MTMR14: variants seen among roughly 807,000 people sequenced by gnomAD.
MTMR14 encodes myotubularin related protein 14, also known as phosphatidylinositol-3,5-bisphosphate 3-phosphatase MTMR14.
MTMR14 carries 48 observed loss-of-function variants against 86.3 expected under a neutral mutation model. The ratio of observed to expected loss-of-function variants is 0.56; its 90% CI spans 0.44 to 0.71. The LOEUF (loss-of-function observed/expected upper bound fraction) is 0.71, where lower values mean the gene tolerates loss of function less well. MTMR14 is among the 30% of genes least tolerant of loss of function. The pLI, the probability that MTMR14 is intolerant of heterozygous loss-of-function variation, is 0.00. For synonymous variants in MTMR14, 366 were observed against 326.1 expected, an observed-to-expected ratio of 1.12 and a Z score of -1.32; for missense variants, 780 against 834.6, an observed-to-expected ratio of 0.93 and a Z score of 0.81.
intron 2 of MTMR14, among the ~76,000 whole-genome samples, chr3:9,659,179 A>G (rs946330520): frequency 2.0e-5 from 3 of 152,118 alleles, no homozygotes; most frequent in Non-Finnish European, 4.4e-5. Flanking sequence ...GCTGCAGTGA[A>G]CCATGGCGCC....
In MTMR14 at chr3:9,690,754, C is replaced by T. The variant is rs568136851; in HGVS notation, c.1613+611C>T. 3.3e-5 allele frequency among the ~76,000 whole-genome samples: 5 copies of T among 152,340 alleles called. 1 individual carries two copies. Among genetic ancestry groups the T allele is most frequent in the African/African-American group, 1.2e-4 (5 of 41,572 alleles). The stretch of plus-strand genomic sequence containing the variant: ...TGGCACTTGGGGAAAGCATTTCCTA[C>T]CACTTTCATACTCCCATCGAAAGAA... On this transcript the variant is annotated intron_variant, in intron 17 of 18. Coordinates refer to ENST00000296003, the MANE Select transcript of MTMR14 (RefSeq NM_001077525.3).
chr3:9,674,390 A>G (rs536532952), intron 7 of MTMR14, among the ~76,000 whole-genome samples: 1 of 152,330 alleles, frequency 6.6e-6, no homozygotes, highest in South Asian at 2.1e-4. Flanking sequence ...GTTCATCATG[A>G]TGTCTATTTG....
chr3:9,669,464 G>A lies in MTMR14; in HGVS notation c.526G>A (p.Asp176Asn). ...GADDAWADVE[D>N]VTEEDCALRS... ...AGATGATGCCTGGGCAGATGTGGAG[G>A]ACGTCACGGAGGAGGACTGTGCTCT... The change falls in exon 5 of 19, where the codon GAC becomes AAC. Residue 176 changes from aspartate to asparagine, a missense_variant. Transcript: ENST00000296003. The A allele has an allele frequency of 6.2e-7, 1 of 1,613,930 alleles. No homozygotes were observed. The highest frequency in any genetic ancestry group is 8.5e-7 in the Non-Finnish European group (1 of 1,179,850).
chr3:9,685,093 G>T, intron 12 of MTMR14, 118 bp from the exon 13 acceptor site: 2 of 1,510,034 alleles, frequency 1.3e-6, no homozygotes, highest in Admixed American at 1.7e-5. Flanking sequence ...CGAAGCTGCT[G>T]ATCAGGCCCC....
At chr3:9,672,813 A>G (rs1574997292) in intron 7 of MTMR14, 55 bp downstream of exon 7, 2 of 1,528,162 alleles carry the variant, frequency 1.3e-6, no homozygotes, top group African/African-American at 2.7e-5. Context: ...CTTGGGGGCC[A>G]TGAGCAAGCC....
chr3:9,684,619 C>A lies in MTMR14; in HGVS notation c.999C>A (p.Gly333=). 6.2e-7 allele frequency: 1 copy of A among 1,614,174 alleles called. No homozygotes were observed. Among genetic ancestry groups the A allele is most frequent in the South Asian group, 1.1e-5 (1 of 91,082 alleles). The change falls in exon 11 of 19, where the codon GGC becomes GGA. Residue 333 remains glycine, a synonymous_variant. Transcript: ENST00000296003. ...GGCTGCTGGTACACTGTATCTCAGG[C>A]TGGGATCGGACCCCCCTCTTCATCT... ...DSGLLVHCIS[G]WDRTPLFISL...
At chr3:9,668,882 G>C in intron 4 of MTMR14, 88 bp downstream of exon 4, 1 of 1,367,112 alleles carries the variant, frequency 7.3e-7, no homozygotes, top group Non-Finnish European at 1.0e-6. Flanking sequence ...CCTCACGCCT[G>C]TAATCTCAAC....
At chr3:9,681,241 A>G (rs1237715109) in intron 9 of MTMR14, among the ~76,000 whole-genome samples, 3 of 152,288 alleles carry the variant, frequency 2.0e-5, no homozygotes, top group Non-Finnish European at 4.4e-5. Context: ...GCTGCCCTCC[A>G]TGTAACCGAA....
At chr3:9,658,369 G>A (rs2125005847) in intron 2 of MTMR14, among the ~76,000 whole-genome samples, 1 of 152,326 alleles carries the variant, frequency 6.6e-6, no homozygotes, top group Non-Finnish European at 1.5e-5. Flanking sequence ...AGCCTGGACA[G>A]GGATCTCTGA....
Position 9,697,821 on chromosome 3 carries a change from CCT to C in MTMR14, c.1730_1731del (p.Leu577ProfsTer7), listed in dbSNP as rs933888244. ...GAGCGGGCTGTCCTGCACACAGACT[CCT>C]CTCTCCCTTTCAGCTTCCCGGATGA... On this transcript the variant is annotated frameshift_variant, in exon 18 of 19. Coordinates refer to ENST00000296003, the MANE Select transcript of MTMR14 (RefSeq NM_001077525.3). LOFTEE classifies it high-confidence loss of function. The C allele has an allele frequency of 1.9e-6, 3 of 1,614,110 alleles. No individual in the cohort carries two copies. The highest frequency in any genetic ancestry group is 1.7e-5 in the Admixed American group (1 of 59,998).
Position 9,701,136 on chromosome 3 carries a change from CCTTA to C in MTMR14, c.1770-651_1770-648del, listed in dbSNP as rs1304633345. 1.3e-5 allele frequency: 2 copies of C among 153,494 alleles called. No individual in the cohort carries two copies. The highest frequency in any genetic ancestry group is 2.9e-5 in the Non-Finnish European group (2 of 68,984). The allele number at this position is 153,494 out of a possible 1,614,324, so 9.5% of individuals were successfully genotyped here. A position where few individuals can be genotyped will look rare whatever the true frequency, so the allele number is the denominator to read the frequency against. ...GCGTGCTGCCAGATTTCAGGGGCCTCCTTACTGTTAGGTATAAGACTTCATGCCT... is the reference window on the plus strand; with the variant it reads ...GCGTGCTGCCAGATTTCAGGGGCCTCCTGTTAGGTATAAGACTTCATGCCT... On this transcript the variant is annotated intron_variant, in intron 18 of 18. Transcript: ENST00000296003. This position sits in a 1 kb window ranked among gnomAD's most constrained non-coding sequence, Gnocchi z 4.2.
In MTMR14 at chr3:9,669,451, G is replaced by C; in HGVS notation, c.513G>C (p.Trp171Cys). The change falls in exon 5 of 19, where the codon TGG becomes TGC. Residue 171 changes from tryptophan to cysteine, a missense_variant. Trp to Cys is a radical substitution (Grantham distance 215). Transcript: ENST00000296003. ...YFFSGGADDA[W>C]ADVEDVTEED... ...TGGCAGGGGGTGCAGATGATGCCTG[G>C]GCAGATGTGGAGGACGTCACGGAGG... is the stretch of plus-strand genomic sequence containing the variant. 1.2e-6 allele frequency: 2 copies of C among 1,613,960 alleles called. No homozygotes were observed. The highest frequency in any genetic ancestry group is 1.7e-6 in the Non-Finnish European group (2 of 1,179,918).
intron 4 of MTMR14, 113 bp from the exon 5 acceptor site, chr3:9,669,319 C>A (rs2048439243): frequency 2.0e-6 from 2 of 977,380 alleles, no homozygotes. Flanking sequence ...AGGAGTAGAG[C>A]CATGTAGTCC....
At position 9,697,693 on chromosome 3, in the gene MTMR14, C is replaced by G. The variant is rs748754815; in HGVS notation, c.1614-18C>G. 3.7e-6 allele frequency: 6 copies of G among 1,612,440 alleles called. No individual in the cohort carries two copies. The East Asian group carries it at 1.1e-4, about 30-fold the overall frequency. On this transcript the variant is annotated intron_variant, in intron 17 of 18. Transcript: ENST00000296003. ...TGACTGACTGCATCCTCTCCCCTCT[C>G]TCTCCTCTCTGCCCCAGATCAGTGG... is the stretch of plus-strand genomic sequence containing the variant.
chr3:9,666,047 G>A (rs753653798), intron 3 of MTMR14, among the ~76,000 whole-genome samples: 9 of 151,136 alleles, frequency 6.0e-5, no homozygotes, highest in Non-Finnish European at 1.3e-4. Context: ...TAATTTTTAA[G>A]GCTTGAAGCA....
chr3:9,669,483 G>A lies in MTMR14; in HGVS notation c.545G>A (p.Cys182Tyr), dbSNP rs1418827207. ...GTGGAGGACGTCACGGAGGAGGACT[G>A]TGCTCTTCGGTCAGTGCTGGGTTGC... The part of the protein sequence containing the change: ...ADVEDVTEED[C>Y]ALRSGDTHLF... Residue 182 changes from cysteine to tyrosine, a missense_variant, in exon 5 of 19, where the codon TGT becomes TAT. Physicochemically the swap from Cys to Tyr is radical, Grantham distance 194. Coordinates refer to ENST00000296003, the MANE Select transcript of MTMR14 (RefSeq NM_001077525.3). 1.7e-5 allele frequency: 27 copies of A among 1,613,380 alleles called. No individual in the cohort carries two copies. The highest frequency in any genetic ancestry group is 2.3e-5 in the Non-Finnish European group (27 of 1,179,614).
intron 13 of MTMR14, among the ~76,000 whole-genome samples, chr3:9,686,776 G>A (rs1274155933): frequency 5.9e-5 from 9 of 152,208 alleles, no homozygotes; most frequent in Non-Finnish European, 8.8e-5. Context: ...TGCCAAGTAG[G>A]GATTTCTCTG....
At chr3:9,687,499 G>A (rs1262635570) in intron 13 of MTMR14, among the ~76,000 whole-genome samples, 6 of 151,850 alleles carry the variant, frequency 4.0e-5, no homozygotes, top group Non-Finnish European at 8.8e-5. Flanking sequence ...AGCTTGCAGT[G>A]AGCCGAGATC....
intron 3 of MTMR14, among the ~76,000 whole-genome samples, chr3:9,665,622 A>G (rs2048205431): frequency 6.6e-6 from 1 of 152,178 alleles, no homozygotes; most frequent in African/African-American, 2.4e-5. Context: ...CCCTGAATCT[A>G]ATGTTTAAGA....
Sources: gnomAD v4.1 joint callset for allele counts (sites outside exome capture counted in the v4.1 genomes callset) on GRCh38, gnomAD v4.1.1 for gene constraint, Gnocchi (gnomAD v3.1) non-coding constraint, MANE v1.5 for transcripts, NCBI Gene and HGNC (gene_info 2026-07-23, HGNC 2026-07-21) for gene names.